STK32B: variants seen among roughly 807,000 people sequenced by gnomAD.
STK32B encodes serine/threonine-protein kinase 32B.
In STK32B, 43 loss-of-function variants were observed where a neutral mutation model predicts 52.6. That is an observed-to-expected ratio of 0.82 (90% CI 0.64 to 1.05). STK32B has a LOEUF of 1.05. Among genes scored for constraint, STK32B ranks in the 50% least tolerant of loss-of-function variants. STK32B has a pLI of 0.00. For missense variants in STK32B, 621 were observed against 534.6 expected, an observed-to-expected ratio of 1.16 and a Z score of -1.59; for synonymous variants, 238 against 204.3, an observed-to-expected ratio of 1.17 and a Z score of -1.41.
At chr4:5,369,638 G>A (rs1463893288) in intron 4 of STK32B, among the ~76,000 whole-genome samples, 1 of 152,148 alleles carries the variant, frequency 6.6e-6, no homozygotes, top group East Asian at 1.9e-4. Flanking sequence ...GACACATCAT[G>A]CCTGCTTGTT....
chr4:5,462,288 CTG>C (rs893150057), intron 9 of STK32B, among the ~76,000 whole-genome samples: 17 of 150,334 alleles, frequency 1.1e-4, no homozygotes, highest in Middle Eastern at 3.4e-3. Context: ...GTGTATGTGT[CTG>C]TGTGTGTGTA....
chr4:5,283,076 T>C (rs1381321465), intron 3 of STK32B, among the ~76,000 whole-genome samples: 2 of 152,046 alleles, frequency 1.3e-5, no homozygotes, highest in Admixed American at 1.3e-4. Context: ...CCCCATCTCC[T>C]TCCCTGACCA....
chr4:5,211,978 A>G (rs1023828771), intron 3 of STK32B, among the ~76,000 whole-genome samples: 3 of 152,226 alleles, frequency 2.0e-5, no homozygotes, highest in Non-Finnish European at 4.4e-5. Context: ...AAGACTCACC[A>G]ATGAAAACTG....
At chr4:5,040,561 T>G in the STK32B span, among the ~76,000 whole-genome samples, 4 of 152,088 alleles carry the variant, frequency 2.6e-5, no homozygotes, top group East Asian at 7.8e-4. Context: ...GCCCAGCTAA[T>G]TTTTGTATTT....
At position 5,499,126 on chromosome 4, in the gene STK32B, C is replaced by A; in HGVS notation, c.*43C>A. ...CTCAACAGGACTGCACTCGTCTCTG[C>A]CCTGCCCACCCAGAGCCCCTCTTTG... On this transcript the variant is annotated 3_prime_UTR_variant, in exon 12 of 12. Coordinates refer to ENST00000282908, the MANE Select transcript of STK32B (RefSeq NM_018401.3). 6.4e-7 allele frequency: 1 copy of A among 1,552,792 alleles called. No homozygotes were observed.
intron 3 of STK32B, among the ~76,000 whole-genome samples, chr4:5,281,742 T>G (rs1728212207): frequency 6.6e-6 from 1 of 152,090 alleles, no homozygotes; most frequent in African/African-American, 2.4e-5. Flanking sequence ...CAAGAGTAAG[T>G]GCAAAACTCA....
At chr4:5,485,132 G>T in intron 11 of STK32B, among the ~76,000 whole-genome samples, 1 of 151,848 alleles carries the variant, frequency 6.6e-6, no homozygotes. Flanking sequence ...CTGAATGTTG[G>T]CCTGTCTTGC....
chr4:5,326,365 A>C (rs1469371859), intron 3 of STK32B, among the ~76,000 whole-genome samples: 1 of 152,008 alleles, frequency 6.6e-6, no homozygotes, highest in Admixed American at 6.6e-5. Context: ...AGAAATTCAA[A>C]GTAAAGTAGC....
intron 4 of STK32B, among the ~76,000 whole-genome samples, chr4:5,339,590 G>A (rs769183266): frequency 4.6e-5 from 7 of 152,160 alleles, no homozygotes; most frequent in African/African-American, 7.2e-5. Context: ...TTTCAATGCC[G>A]TATTTATACC....
chr4:5,157,077 G>C (rs1016191648), intron 2 of STK32B, among the ~76,000 whole-genome samples: 1 of 152,098 alleles, frequency 6.6e-6, no homozygotes, highest in African/African-American at 2.4e-5. Context: ...GCAGGAATTC[G>C]ATTTTAGATG....
At chr4:5,446,818 G>A in intron 7 of STK32B, 42 bp downstream of exon 7, 1 of 1,596,600 alleles carries the variant, frequency 6.3e-7, no homozygotes, top group Non-Finnish European at 8.6e-7. Flanking sequence ...GGGCTGTGCA[G>A]TGGGGGCTCA....
At position 5,168,392 on chromosome 4, in the gene STK32B, G is replaced by A. The variant is rs1719053591; in HGVS notation, c.202G>A (p.Val68Ile). Reference protein sequence around the residue: ...KCIERDEVRNVFRELQIMQGL... With the variant: ...KCIERDEVRNIFRELQIMQGL... ...CATCGAGAGGGATGAGGTTCGGAATGTTTTCCGGGAGCTGCAGATCATGCA... is the reference window on the plus strand; with the variant it reads ...CATCGAGAGGGATGAGGTTCGGAATATTTTCCGGGAGCTGCAGATCATGCA... Residue 68 changes from valine (V) to isoleucine (I), a missense_variant, in exon 3 of 12, where the codon GTT becomes ATT. Coordinates refer to ENST00000282908, the MANE Select transcript of STK32B (RefSeq NM_018401.3). The A allele has an allele frequency of 6.2e-7, 1 of 1,613,834 alleles. No homozygotes were observed. The highest frequency in any genetic ancestry group is 8.5e-7 in the Non-Finnish European group (1 of 1,180,004).
intron 5 of STK32B, 65 bp from the exon 6 acceptor site, chr4:5,416,780 C>G (rs900619118): frequency 3.5e-6 from 5 of 1,439,714 alleles, no homozygotes; most frequent in Non-Finnish European, 4.8e-6. Flanking sequence ...TTGCAAACCA[C>G]AGCTTTAAAT....
chr4:5,217,605 A>T (rs1723258499), intron 3 of STK32B, among the ~76,000 whole-genome samples: 1 of 152,250 alleles, frequency 6.6e-6, no homozygotes, highest in African/African-American at 2.4e-5. Context: ...CTTAGGGCAG[A>T]ACAAATATCA....
At chr4:5,495,273 T>C (rs1012381546) in intron 11 of STK32B, among the ~76,000 whole-genome samples, 4 of 152,114 alleles carry the variant, frequency 2.6e-5, no homozygotes, top group African/African-American at 9.7e-5. Flanking sequence ...CTTTGTTCGT[T>C]TCTTTTTATT....
chr4:5,406,432 G>C (rs768021683), intron 5 of STK32B, among the ~76,000 whole-genome samples: 2 of 152,254 alleles, frequency 1.3e-5, no homozygotes, highest in South Asian at 2.1e-4. Context: ...CCCCAGTGGG[G>C]ACTTTCTGTG....
intron 2 of STK32B, among the ~76,000 whole-genome samples, chr4:5,151,953 G>A (rs1379792570): frequency 3.3e-5 from 5 of 152,138 alleles, no homozygotes; most frequent in Non-Finnish European, 5.9e-5. Context: ...CACTTGAGAT[G>A]ACCATATGAT....
At chr4:5,334,496 C>T (rs561885957) in intron 4 of STK32B, among the ~76,000 whole-genome samples, 198 of 152,270 alleles carry the variant, frequency 1.3e-3, no homozygotes, top group African/African-American at 4.5e-3. Flanking sequence ...TTGCCCTGGC[C>T]AGAACTTCCA....
At chr4:5,316,804 T>TATATTATATCATATATA (rs1730875901) in intron 3 of STK32B, among the ~76,000 whole-genome samples, 1 of 10,884 alleles carries the variant, frequency 9.2e-5, no homozygotes, top group Non-Finnish European at 1.2e-4. Flanking sequence ...TTATATATTA[T>TATATTATATCATATATA]ATATATTATA....
Sources: gnomAD v4.1 joint callset for allele counts (sites outside exome capture counted in the v4.1 genomes callset) on GRCh38, gnomAD v4.1.1 for gene constraint, MANE v1.5 for transcripts, NCBI Gene and HGNC (gene_info 2026-07-23, HGNC 2026-07-21) for gene names.